Variants in ERAP1 observed in about 807,000 individuals in gnomAD.
The protein encoded by ERAP1 is endoplasmic reticulum aminopeptidase 1, also known as adipocyte-derived leucine aminopeptidase.
Under a neutral mutation model 103.7 loss-of-function variants are expected in ERAP1, and 86 were observed. That is an observed-to-expected ratio of 0.83 (90% CI 0.70 to 0.99). The LOEUF is 0.99. Among genes scored for constraint, ERAP1 ranks in the 50% least tolerant of loss-of-function variants. ERAP1 has a pLI of 0.00. For synonymous variants in ERAP1, 398 were observed against 402.4 expected (o/e 0.99, Z 0.13); for missense variants, 1,009 against 1,128.4 (o/e 0.89, Z 1.52).
chr5:96,780,446 A>G lies in ERAP1; in HGVS notation c.2647T>C (p.Ser883Pro), dbSNP rs750157352. The change falls in exon 18 of 19, where the codon TCC becomes CCC. Residue 883 changes from serine (S) to proline (P), a missense_variant. Ser to Pro is a moderately conservative substitution (Grantham distance 74). Around this residue, in one of 3 missense-constraint regions of ERAP1, gnomAD observed 611 missense variants for 651.7 expected, o/e 0.94. Coordinates refer to ENST00000443439, the MANE Select transcript of ERAP1 (RefSeq NM_001040458.3). ...HMVMGTTNQFSTRTRLEEVKG... is the reference protein window; with the variant it reads ...HMVMGTTNQFPTRTRLEEVKG... Reference sequence around the variant, plus strand: ...ACCTCTTCAAGCCGTGTTCTTGTGGAGAATTGATTTGTTGTACCCATTACC... The same window carrying G: ...ACCTCTTCAAGCCGTGTTCTTGTGGGGAATTGATTTGTTGTACCCATTACC... 16 of 1,611,440 alleles carry G rather than the reference A, an allele frequency of 9.9e-6. No homozygotes were observed. The highest frequency in any genetic ancestry group is 1.4e-5 in the Non-Finnish European group (16 of 1,178,784).
intron 15 of ERAP1, 105 bp downstream of exon 15, chr5:96,782,946 G>A: frequency 9.1e-7 from 1 of 1,098,090 alleles, no homozygotes; most frequent in Non-Finnish European, 1.4e-6. Context: ...AGGGCAGCAG[G>A]GGAGACACTT....
upstream of ERAP1, among the ~76,000 whole-genome samples, chr5:96,811,125 C>A (rs1406220490): frequency 6.6e-6 from 1 of 152,058 alleles, no homozygotes; most frequent in South Asian, 2.1e-4. Flanking sequence ...AATAATAATG[C>A]CCCTCATTCT....
chr5:96,827,571 A>G, the ERAP1 span, among the ~76,000 whole-genome samples: 631 of 152,312 alleles, frequency 4.1e-3, 7 homozygotes, highest in African/African-American at 0.014. Context: ...AGGCTGAAGC[A>G]GGAGAACTGC....
At chr5:96,824,040 C>A in the ERAP1 span, among the ~76,000 whole-genome samples, 3 of 152,176 alleles carry the variant, frequency 2.0e-5, no homozygotes, top group Non-Finnish European at 4.4e-5. Context: ...ATTCCTATCC[C>A]AGACAAGTCA....
At chr5:96,786,369 T>C in intron 12 of ERAP1, 101 bp downstream of exon 12, 1 of 816,288 alleles carries the variant, frequency 1.2e-6, no homozygotes, top group Non-Finnish European at 2.1e-6. Context: ...ATCTGATCCC[T>C]TTTGCTTTAA....
intron 7 of ERAP1, among the ~76,000 whole-genome samples, chr5:96,792,649 A>G (rs1268445753): frequency 6.6e-6 from 1 of 152,240 alleles, no homozygotes; most frequent in South Asian, 2.1e-4. Context: ...ATGTATCCAT[A>G]ATCATTTTTA....
At chr5:96,859,060 T>TACACAC in the ERAP1 span, among the ~76,000 whole-genome samples, 2,127 of 144,784 alleles carry the variant, frequency 0.015, 25 homozygotes, top group South Asian at 0.033. Flanking sequence ...GCCACATGCA[T>TACACAC]ACACACACAC....
chr5:96,872,067 T>C, the ERAP1 span, among the ~76,000 whole-genome samples: 1 of 152,188 alleles, frequency 6.6e-6, no homozygotes, highest in African/African-American at 2.4e-5. Context: ...CTGTCTCTAT[T>C]TTGTCTGAAA....
chr5:96,817,596 G>C, the ERAP1 span, among the ~76,000 whole-genome samples: 2 of 152,156 alleles, frequency 1.3e-5, no homozygotes, highest in Non-Finnish European at 2.9e-5. Context: ...CATTGGGAAG[G>C]CTTAAAAAAT....
In ERAP1 at chr5:96,783,245, T is replaced by C. The variant is rs764974370; in HGVS notation, c.2101-10A>G. On this transcript the variant is annotated splice_polypyrimidine_tract_variant and intron_variant, in intron 14 of 18. Coordinates refer to ENST00000443439, the MANE Select transcript of ERAP1 (RefSeq NM_001040458.3). Reference sequence around the variant, plus strand: ...GCCTGATGAGGAAGGCCTGAGGGCGTTGTACAGGGAAACAGGGACCAGTAT... The same window carrying C: ...GCCTGATGAGGAAGGCCTGAGGGCGCTGTACAGGGAAACAGGGACCAGTAT... The C allele has an allele frequency of 7.5e-6, 12 of 1,606,378 alleles. No individual in the cohort carries two copies. The highest frequency in any genetic ancestry group is 9.4e-6 in the Non-Finnish European group (11 of 1,174,104).
chr5:96,879,488 CT>C, the ERAP1 span: 1 of 537,746 alleles, frequency 1.9e-6, no homozygotes. Flanking sequence ...TCACACATAC[CT>C]TTTTACATGT....
the ERAP1 span, chr5:96,917,528 G>A: frequency 5.6e-6 from 9 of 1,613,910 alleles, no homozygotes; most frequent in Non-Finnish European, 7.6e-6. Flanking sequence ...AACTGTTCTG[G>A]AAACGATAAC....
chr5:96,898,572 C>CAAAAAAAAAAAAAAAAAAAAA, the ERAP1 span, among the ~76,000 whole-genome samples: 1 of 94,470 alleles, frequency 1.1e-5, no homozygotes, highest in Non-Finnish European at 2.0e-5. Context: ...TACTAAAATA[C>CAAAAAAAAAAAAAAAAAAAAA]AAAAAAAAAA....
chr5:96,762,415 G>A, exon 20 of ERAP1: 2 of 1,402,470 alleles, frequency 1.4e-6, no homozygotes. Context: ...TTTTTGCGCA[G>A]CCACAACTAG....
At chr5:96,777,597 T>G (rs1581524773) in intron 18 of ERAP1, among the ~76,000 whole-genome samples, 1 of 146,846 alleles carries the variant, frequency 6.8e-6, no homozygotes, top group Non-Finnish European at 1.5e-5. Context: ...TGGAAAACAC[T>G]TCACTCTCTA....
At position 96,783,772 on chromosome 5, in the gene ERAP1, T is replaced by C. The variant is rs1222249493; in HGVS notation, c.2100+152A>G. ...CCAAAATCTTGCTAGTCCATCTAAA[T>C]ACTGAACTAATATTTATTTGCTTTT... On this transcript the variant is annotated intron_variant, in intron 14 of 18. Transcript: ENST00000443439. The C allele has an allele frequency of 4.9e-6, 4 of 808,854 alleles. No homozygotes were observed. In the African/African-American group the frequency reaches 5.2e-5, roughly 11 times the overall value. 50.1% of individuals were successfully genotyped at this position (808,854 alleles called of 1,614,324 possible).
chr5:96,768,117 T>C (rs1770713764), intron 19 of ERAP1: 2 of 742,086 alleles, frequency 2.7e-6, no homozygotes, highest in South Asian at 1.5e-5. Flanking sequence ...AGGGTCTTAC[T>C]CTATAGCCCA....
At chr5:96,844,632 T>C in the ERAP1 span, among the ~76,000 whole-genome samples, 1 of 152,212 alleles carries the variant, frequency 6.6e-6, no homozygotes, top group Non-Finnish European at 1.5e-5. Context: ...AAGGCAGGAC[T>C]GGTTTCAATT....
chr5:96,883,897 G>C, the ERAP1 span: 5 of 1,613,448 alleles, frequency 3.1e-6, no homozygotes, highest in Admixed American at 3.3e-5. Context: ...TACGAAGAGA[G>C]AGCAGGCATA....
Sources: gnomAD v4.1 joint callset for allele counts (sites outside exome capture counted in the v4.1 genomes callset) on GRCh38, gnomAD v4.1.1 for gene constraint, gnomAD v4.1.1 regional missense constraint, MANE v1.5 for transcripts, NCBI Gene and HGNC (gene_info 2026-07-23, HGNC 2026-07-21) for gene names.